Variants in NKX2-2 observed in about 807,000 individuals in gnomAD.
NKX2-2 encodes homeobox protein Nkx-2.2.
NKX2-2 carries 8 observed loss-of-function variants against 24.6 expected under a neutral mutation model. That is an observed-to-expected ratio of 0.32 (90% CI 0.19 to 0.59). NKX2-2 has a LOEUF of 0.59. NKX2-2 is among the 20% of genes least tolerant of loss of function. NKX2-2 has a pLI of 0.86. For missense variants in NKX2-2, 381 were observed against 373.9 expected (o/e 1.02, Z -0.16); for synonymous variants, 217 against 173.3 (o/e 1.25, Z -1.98).
chr20:21,521,433 C>A, the NKX2-2 span, among the ~76,000 whole-genome samples: 2 of 151,968 alleles, frequency 1.3e-5, no homozygotes, highest in African/African-American at 2.4e-5. Context: ...GCGGCCCAGG[C>A]GACACTCGCC....
chr20:21,518,674 G>A (rs1264908076), upstream of NKX2-2, among the ~76,000 whole-genome samples: 1 of 152,222 alleles, frequency 6.6e-6, no homozygotes, highest in Non-Finnish European at 1.5e-5. Flanking sequence ...CCAGGGCACG[G>A]GGGCCGCCCA....
rs1428031688 is a variant in NKX2-2, at chr20:21,512,450, A to G, written c.295T>C (p.Ser99Pro). 1.9e-6 allele frequency: 3 copies of G among 1,584,588 alleles called. No individual in the cohort carries two copies. The highest frequency in any genetic ancestry group is 1.7e-5 in the Admixed American group (1 of 57,198). The change falls in exon 2 of 2, where the codon TCA (serine) becomes CCA (proline). Residue 99 changes from serine (S) to proline (P), a missense_variant. Coordinates refer to ENST00000377142, the MANE Select transcript of NKX2-2 (RefSeq NM_002509.4). ...GAGGGCTCCGGGGACTTGGAGCTTG[A>G]GTCCTGAGGGGGCGCCCCGGCAGCC... is the stretch of plus-strand genomic sequence containing the variant. ...GLAAGAPPQD[S>P]SSKSPEPSAD...
rs1980539759 is a variant in NKX2-2 at position 21,513,969 on chromosome 20, T to G, written c.-300A>C. 9 of 210,376 alleles carry G rather than the reference T, an allele frequency of 4.3e-5. No homozygotes were observed. Among genetic ancestry groups the G allele is most frequent in the South Asian group, 1.3e-4 (1 of 7,676 alleles). 13.0% of individuals were successfully genotyped at this position (210,376 alleles called of 1,614,324 possible). Reference sequence around the variant, plus strand: ...CGCCGAGCGCCGCGGGCCCCGGCCTTAGTTTCTAACTCCAGGAGGGGTGCC... The same window carrying G: ...CGCCGAGCGCCGCGGGCCCCGGCCTGAGTTTCTAACTCCAGGAGGGGTGCC... On this transcript the variant is annotated 5_prime_UTR_variant, in exon 1 of 2. Coordinates refer to ENST00000377142, the MANE Select transcript of NKX2-2 (RefSeq NM_002509.4). The surrounding 1 kb of genome is among the most constrained non-coding windows in gnomAD (Gnocchi z 4.6).
chr20:21,519,917 C>G, the NKX2-2 span, among the ~76,000 whole-genome samples: 4 of 152,150 alleles, frequency 2.6e-5, no homozygotes, highest in South Asian at 4.2e-4. Flanking sequence ...GAGAGACTCA[C>G]AGCCATTGGA....
In NKX2-2 at chr20:21,511,628, G is replaced by A. The variant is rs1483387865; in HGVS notation, c.*295C>T. The A allele has an allele frequency of 2.7e-5, 8 of 293,568 alleles. No individual in the cohort carries two copies. Among genetic ancestry groups the A allele is most frequent in the Non-Finnish European group, 4.3e-5 (7 of 161,256 alleles). The allele number at this position is 293,568 out of a possible 1,614,324, so 18.2% of individuals were successfully genotyped here. A position where few individuals can be genotyped will look rare whatever the true frequency, so the allele number is the denominator to read the frequency against. ...ACGCTGGGACGGTTTGGTCCCCCCG[G>A]GGAGAGGCAAAGAAGCGAAGCTGCG... On this transcript the variant is annotated 3_prime_UTR_variant, in exon 2 of 2. Transcript: ENST00000377142.
Position 21,513,309 on chromosome 20 carries a change from G to A in NKX2-2, c.259+102C>T. 7.8e-7 allele frequency: 1 copy of A among 1,286,164 alleles called. No homozygotes were observed. Among genetic ancestry groups the A allele is most frequent in the Non-Finnish European group, 1.0e-6 (1 of 955,714 alleles). 79.7% of individuals were successfully genotyped at this position (1,286,164 alleles called of 1,614,324 possible). A position where few individuals can be genotyped will look rare whatever the true frequency, so the allele number is the denominator to read the frequency against. ...TACGGATCCGAGTGAGGGGGTCCGGGCTTACATGGCCCCTTCCCCTTTCAC... is the reference window on the plus strand; with the variant it reads ...TACGGATCCGAGTGAGGGGGTCCGGACTTACATGGCCCCTTCCCCTTTCAC... On this transcript the variant is annotated intron_variant, in intron 1 of 1. Transcript: ENST00000377142. This position sits in a 1 kb window ranked among gnomAD's most constrained non-coding sequence, Gnocchi z 4.6.
the NKX2-2 span, among the ~76,000 whole-genome samples, chr20:21,520,258 C>A: frequency 1.3e-5 from 2 of 152,088 alleles, no homozygotes; most frequent in African/African-American, 4.8e-5. Context: ...CCTGGAGTCC[C>A]CCTGCGATTA....
In NKX2-2 at chr20:21,513,429, C is replaced by T. The variant is rs1980513815; in HGVS notation, c.241G>A (p.Glu81Lys). The T allele has an allele frequency of 1.3e-6, 2 of 1,576,848 alleles. No homozygotes were observed. The highest frequency in any genetic ancestry group is 1.7e-6 in the Non-Finnish European group (2 of 1,161,482). ...NPYTRWLAST[E>K]GLQYSLHGLA... The stretch of plus-strand genomic sequence containing the variant: ...TACTTACGGGAGTACTGAAGGCCCT[C>T]GGTGCTGGCCAGCCAGCGCGTGTAC... Residue 81 changes from glutamate to lysine, a missense_variant, in exon 1 of 2, where the codon GAG becomes AAG. By Grantham distance (56) the Glu-to-Lys change is moderately conservative. Coordinates refer to ENST00000377142, the MANE Select transcript of NKX2-2 (RefSeq NM_002509.4). The surrounding 1 kb of genome is among the most constrained non-coding windows in gnomAD (Gnocchi z 4.6).
At position 21,512,481 on chromosome 20, in the gene NKX2-2, G is replaced by A. The variant is rs776644667; in HGVS notation, c.264C>T (p.His88=). Residue 88 remains histidine (H), a synonymous_variant, in exon 2 of 2, where the codon CAC becomes CAT. Transcript: ENST00000377142. ...GAGGGGGCGCCCCGGCAGCCAGACC[G>A]TGCACTGGGGGGAGGGGGAGAGAGA... ...ASTEGLQYSL[H]GLAAGAPPQD... 1.9e-6 allele frequency: 3 copies of A among 1,563,392 alleles called. No individual in the cohort carries two copies. The highest frequency in any genetic ancestry group is 1.2e-5 in the South Asian group (1 of 85,238).
chr20:21,518,922 G>T (rs1164513332), upstream of NKX2-2, among the ~76,000 whole-genome samples: 1 of 152,178 alleles, frequency 6.6e-6, no homozygotes, highest in Non-Finnish European at 1.5e-5. Context: ...TGGAGACGGC[G>T]CTCGCATCCT....
upstream of NKX2-2, among the ~76,000 whole-genome samples, chr20:21,517,715 G>A (rs1275616391): frequency 3.3e-5 from 5 of 152,302 alleles, no homozygotes; most frequent in East Asian, 9.7e-4. Flanking sequence ...TGCGCCCAAA[G>A]AGCCTAGGGG....
At chr20:21,512,971 G>A (rs577993407) in intron 1 of NKX2-2, among the ~76,000 whole-genome samples, 2 of 152,270 alleles carry the variant, frequency 1.3e-5, no homozygotes, top group East Asian at 3.9e-4. Context: ...GATCGCGCAG[G>A]GGGCAGGGTG....
chr20:21,512,616 T>A (rs1224019534), intron 1 of NKX2-2, 131 bp from the exon 2 acceptor site: 2 of 690,092 alleles, frequency 2.9e-6, no homozygotes, highest in East Asian at 5.4e-5. Flanking sequence ...CCCGCTGCCT[T>A]TGCCATGACC....
chr20:21,517,928 C>T (rs935948746), upstream of NKX2-2, among the ~76,000 whole-genome samples: 1 of 152,172 alleles, frequency 6.6e-6, no homozygotes, highest in Non-Finnish European at 1.5e-5. Context: ...TAAGGGCCCA[C>T]CACTCCCACC....
chr20:21,516,539 G>C (rs2122549410), upstream of NKX2-2, among the ~76,000 whole-genome samples: 1 of 152,178 alleles, frequency 6.6e-6, no homozygotes, highest in East Asian at 1.9e-4. Context: ...TTGGATCCAG[G>C]GGCGGGAGTG....
chr20:21,517,017 G>T (rs900840083), upstream of NKX2-2, among the ~76,000 whole-genome samples: 3 of 152,212 alleles, frequency 2.0e-5, no homozygotes, highest in Non-Finnish European at 2.9e-5. Flanking sequence ...TGCAAGGTCC[G>T]CAGAGCGCCT....
the NKX2-2 span, among the ~76,000 whole-genome samples, chr20:21,521,214 G>T: frequency 2.0e-5 from 3 of 151,998 alleles, no homozygotes; most frequent in Non-Finnish European, 2.9e-5. Flanking sequence ...TCCCCTAGAC[G>T]CAACGTCCCC....
chr20:21,522,644 G>A, the NKX2-2 span, among the ~76,000 whole-genome samples: 1 of 151,684 alleles, frequency 6.6e-6, no homozygotes, highest in Non-Finnish European at 1.5e-5. Context: ...AGTCGCGGGC[G>A]GCTGCGGAGT....
rs750801404 is a variant in NKX2-2 at position 21,513,663 on chromosome 20, G to A, written c.7C>T (p.Leu3=). ...GAAAACCCCGTCTTTGTGTTGGTCA[G>A]CGACATGGTTCGAGACCCCAAAATT... MS[L]TNTKTGFSVK... is the part of the protein sequence containing the mutation. The change falls in exon 1 of 2, where the codon CTG becomes TTG. Residue 3 remains leucine (L), a synonymous_variant. Coordinates refer to ENST00000377142, the MANE Select transcript of NKX2-2 (RefSeq NM_002509.4). This position sits in a 1 kb window ranked among gnomAD's most constrained non-coding sequence, Gnocchi z 4.6. 1.3e-6 allele frequency: 2 copies of A among 1,566,718 alleles called. No individual in the cohort carries two copies. The highest frequency in any genetic ancestry group is 1.7e-6 in the Non-Finnish European group (2 of 1,159,788).
Sources: gnomAD v4.1 joint callset for allele counts (sites outside exome capture counted in the v4.1 genomes callset) on GRCh38, gnomAD v4.1.1 for gene constraint, Gnocchi (gnomAD v3.1) non-coding constraint, MANE v1.5 for transcripts, NCBI Gene and HGNC (gene_info 2026-07-23, HGNC 2026-07-21) for gene names.